BCAS3: variants seen among roughly 807,000 people sequenced by gnomAD.
BCAS3 encodes BCAS3 microtubule associated cell migration factor, also known as BCAS4/BCAS3 fusion.
Under a neutral mutation model 116.1 loss-of-function variants are expected in BCAS3, and 53 were observed. The ratio of observed to expected loss-of-function variants is 0.46; its 90% CI spans 0.37 to 0.57. The LOEUF (loss-of-function observed/expected upper bound fraction) is 0.57, where lower values mean the gene tolerates loss of function less well. BCAS3 is among the 20% of genes least tolerant of loss of function. The probability of loss-of-function intolerance (pLI) is 0.00; values close to 1 mark genes in which losing one functional copy is unlikely to be tolerated. For missense variants in BCAS3, 917 were observed against 1,165.4 expected, an observed-to-expected ratio of 0.79 and a Z score of 3.10; for synonymous variants, 391 against 408.2, an observed-to-expected ratio of 0.96 and a Z score of 0.51.
chr17:60,765,845 G>T (rs551498115), intron 6 of BCAS3, among the ~76,000 whole-genome samples: 1 of 152,176 alleles, frequency 6.6e-6, no homozygotes, highest in South Asian at 2.1e-4. Context: ...CGTAGATTTG[G>T]TCTTTTCACA....
At chr17:60,991,502 T>C (rs1035593507) in intron 15 of BCAS3, among the ~76,000 whole-genome samples, 1 of 152,204 alleles carries the variant, frequency 6.6e-6, no homozygotes, top group Non-Finnish European at 1.5e-5. Flanking sequence ...ACAGAAAACG[T>C]TGACATTAGA....
At chr17:61,252,194 A>G (rs984957297) in intron 22 of BCAS3, among the ~76,000 whole-genome samples, 1 of 152,214 alleles carries the variant, frequency 6.6e-6, no homozygotes, top group African/African-American at 2.4e-5. Context: ...TCAGTTTCTG[A>G]TGGTTTCCAA....
rs891605854 is a variant in BCAS3, at chr17:61,339,856, T to C, written c.2426-28471T>C. Among the ~76,000 whole-genome samples the C allele has an allele frequency of 8.0e-5, 12 of 150,654 alleles. No individual in the cohort carries two copies. The highest frequency in any genetic ancestry group is 1.3e-4 in the Non-Finnish European group (9 of 67,820). ...CCGGAAAGATGGGAGGAAAACCAGG[T>C]GAGTGTGCTGTCCCGAAAGCCAAGT... On this transcript the variant is annotated intron_variant, in intron 22 of 23. Transcript: ENST00000407086. This position sits in a 1 kb window ranked among gnomAD's most constrained non-coding sequence, Gnocchi z 4.4.
At position 61,067,271 on chromosome 17, in the gene BCAS3, GTGTATATATATATATATATATATA is replaced by G. The variant is rs1425557488; in HGVS notation, c.2030-7647_2030-7624del. Among the ~76,000 whole-genome samples the G allele has an allele frequency of 7.2e-3, 399 of 55,130 alleles. 15 individuals are homozygous for G. The highest frequency in any genetic ancestry group is 0.028 in the African/African-American group (376 of 13,420). 36.2% of individuals were successfully genotyped at this position (55,130 alleles called of 152,430 possible). On this transcript the variant is annotated intron_variant, in intron 19 of 23. Coordinates refer to ENST00000407086, the MANE Select transcript of BCAS3 (RefSeq NM_017679.5). ...TTCATAACTTTATTTATGTGTGTAT[GTGTATATATATATATATATATATA>G]TATATATATATATATATATATTTAT...
At chr17:61,317,714 G>T (rs1441646654) in intron 22 of BCAS3, among the ~76,000 whole-genome samples, 1 of 152,212 alleles carries the variant, frequency 6.6e-6, no homozygotes, top group Non-Finnish European at 1.5e-5. Context: ...AAGGTAAGTA[G>T]GGCACAGTTG....
intron 10 of BCAS3, among the ~76,000 whole-genome samples, chr17:60,895,439 C>G (rs1307901958): frequency 6.6e-6 from 1 of 150,746 alleles, no homozygotes; most frequent in Non-Finnish European, 1.5e-5. Flanking sequence ...TTATCTGGGT[C>G]TTTCCTTTCT....
chr17:60,831,040 C>T (rs797006062), intron 7 of BCAS3, among the ~76,000 whole-genome samples: 33 of 151,862 alleles, frequency 2.2e-4, no homozygotes, highest in African/African-American at 7.5e-4. Context: ...CTCGGCTAGA[C>T]GGGGTTTTGT....
intron 10 of BCAS3, among the ~76,000 whole-genome samples, chr17:60,896,288 C>G (rs577059604): frequency 2.6e-5 from 4 of 152,288 alleles, no homozygotes; most frequent in Admixed American, 6.5e-5. Flanking sequence ...TCACTGCACT[C>G]CAGCCTAGGT....
At chr17:60,730,718 A>G (rs1598349816) in intron 5 of BCAS3, among the ~76,000 whole-genome samples, 1 of 152,212 alleles carries the variant, frequency 6.6e-6, no homozygotes, top group African/African-American at 2.4e-5. Context: ...ATAAAATAAT[A>G]CACTAACAGT....
At chr17:61,000,101 C>A (rs144393976) in intron 15 of BCAS3, among the ~76,000 whole-genome samples, 55 of 152,136 alleles carry the variant, frequency 3.6e-4, no homozygotes, top group Admixed American at 7.9e-4. Context: ...TTTCTCTTTT[C>A]CCATTTAATG....
In BCAS3 at chr17:61,224,065, T is replaced by C. The variant is rs2082251745; in HGVS notation, c.2425+139501T>C. The stretch of plus-strand genomic sequence containing the variant: ...ACCTCTAATTGAGAGTAGAAAAGCA[T>C]TTGCTTTCTATCAATTTGATAGTCC... On this transcript the variant is annotated intron_variant, in intron 22 of 23. Coordinates refer to ENST00000407086, the MANE Select transcript of BCAS3 (RefSeq NM_017679.5). The surrounding 1 kb of genome is among the most constrained non-coding windows in gnomAD (Gnocchi z 5.7). Among the ~76,000 whole-genome samples, 1 of 152,238 alleles carries C rather than the reference T, an allele frequency of 6.6e-6. No homozygotes were observed. Among genetic ancestry groups the C allele is most frequent in the African/African-American group, 2.4e-5 (1 of 41,462 alleles).
intron 23 of BCAS3, among the ~76,000 whole-genome samples, chr17:61,373,728 A>AGCCC (rs901686905): frequency 2.7e-5 from 1 of 37,078 alleles, no homozygotes; most frequent in Non-Finnish European, 1.4e-4. Flanking sequence ...CACGATGCCC[A>AGCCC]GCCCCTGTTT....
chr17:60,933,158 C>G (rs927867647), intron 13 of BCAS3, among the ~76,000 whole-genome samples: 1 of 150,988 alleles, frequency 6.6e-6, no homozygotes, highest in African/African-American at 2.4e-5. Flanking sequence ...CAGAGTGAGA[C>G]TCCGTCTCAA....
chr17:60,756,223 C>G (rs555293961), intron 6 of BCAS3, among the ~76,000 whole-genome samples: 2 of 152,270 alleles, frequency 1.3e-5, no homozygotes, highest in South Asian at 4.1e-4. Context: ...ATGCAGAGTT[C>G]ATAATGGGGT....
At chr17:61,166,719 GT>G (rs1161472719) in intron 22 of BCAS3, among the ~76,000 whole-genome samples, 2 of 151,836 alleles carry the variant, frequency 1.3e-5, no homozygotes, top group African/African-American at 2.4e-5. Context: ...TTATTTTTTA[GT>G]TTTTATTTTT....
At position 61,073,395 on chromosome 17, in the gene BCAS3, C is replaced by T. The variant is rs1043108932; in HGVS notation, c.2030-1525C>T. On this transcript the variant is annotated intron_variant, in intron 19 of 23. Transcript: ENST00000407086. This position sits in a 1 kb window ranked among gnomAD's most constrained non-coding sequence, Gnocchi z 4.6. ...AAGTTAAGATAAGCTTTTTGTGAGT[C>T]TGTGTCTTTTAAAATCTTGCCCTAG... Among the ~76,000 whole-genome samples, 1 of 152,104 alleles carries T rather than the reference C, an allele frequency of 6.6e-6. No individual in the cohort carries two copies. The highest frequency in any genetic ancestry group is 1.5e-5 in the Non-Finnish European group (1 of 68,020).
intron 3 of BCAS3, among the ~76,000 whole-genome samples, chr17:60,686,194 G>T (rs909062449): frequency 2.0e-5 from 3 of 152,062 alleles, no homozygotes; most frequent in Non-Finnish European, 4.4e-5. Context: ...TCTACTGTTT[G>T]GTTGACATGA....
chr17:60,967,912 A>T lies in BCAS3; in HGVS notation c.1221+20560A>T, dbSNP rs1163525715. ...TATTTTTTCCCAATCTCTTTGTTAA[A>T]TTTCTCTGATAAATTTCTGAATTGC... On this transcript the variant is annotated intron_variant, in intron 14 of 23. Transcript: ENST00000407086. This position sits in a 1 kb window ranked among gnomAD's most constrained non-coding sequence, Gnocchi z 4.7. Among the ~76,000 whole-genome samples, 1 of 151,912 alleles carries T rather than the reference A, an allele frequency of 6.6e-6. No homozygotes were observed. Among genetic ancestry groups the T allele is most frequent in the African/African-American group, 2.4e-5 (1 of 41,300 alleles).
intron 7 of BCAS3, among the ~76,000 whole-genome samples, chr17:60,812,232 C>T (rs1598882912): frequency 6.6e-6 from 1 of 152,084 alleles, no homozygotes; most frequent in Non-Finnish European, 1.5e-5. Flanking sequence ...CTCTTAAATT[C>T]TTTGGGGAGA....
Sources: allele counts gnomAD v4.1 joint callset (sites outside exome capture counted in the v4.1 genomes callset), GRCh38; gene constraint gnomAD v4.1.1; non-coding constraint Gnocchi (gnomAD v3.1); transcripts MANE v1.5; gene names NCBI Gene and HGNC (gene_info 2026-07-23, HGNC 2026-07-21).